Variants in ZNF816 observed in about 807,000 individuals in gnomAD.
ZNF816 encodes the protein zinc finger protein 816A.
In ZNF816, 11 loss-of-function variants were observed where a neutral mutation model predicts 8.3. That is an observed-to-expected ratio of 1.32 (90% CI 0.83 to 2.19). The LOEUF (loss-of-function observed/expected upper bound fraction) is 2.19. Ranked by LOEUF, ZNF816 falls within the 30% of genes most tolerant of loss-of-function variation. The pLI, the probability that ZNF816 is intolerant of heterozygous loss-of-function variation, is 0.00. For synonymous variants in ZNF816, 255 were observed against 254.5 expected (o/e 1.00, Z -0.02); for missense variants, 710 against 779.3 (o/e 0.91, Z 1.06).
chr19:52,959,554 G>C (rs550984531), intron 1 of ZNF816, among the ~76,000 whole-genome samples: 1 of 152,300 alleles, frequency 6.6e-6, no homozygotes, highest in South Asian at 2.1e-4. Context: ...CGTTGTCCCA[G>C]GGCACTTCAG....
In ZNF816 at chr19:52,949,712, C is replaced by T. The variant is rs3745177; in HGVS notation, c.*107G>A. On this transcript the variant is annotated 3_prime_UTR_variant, in exon 4 of 4. Transcript: ENST00000444460. ...CTGATGAACTACAAGTTATGAATGA[C>T]GTCTGAAAAATTTGCCACATTTATT... 0.19 allele frequency: 286,284 copies of T among 1,519,098 alleles called. 35,664 individuals are homozygous for T. Among genetic ancestry groups the T allele is most frequent in the African/African-American group, 0.61 (44,474 of 72,844 alleles). The allele number at this position is 1,519,098 out of a possible 1,614,324, so 94.1% of individuals were successfully genotyped here. A position where few individuals can be genotyped will look rare whatever the true frequency, so the allele number is the denominator to read the frequency against.
intron 1 of ZNF816, among the ~76,000 whole-genome samples, chr19:52,959,494 A>T (rs1405871605): frequency 4.6e-5 from 7 of 152,156 alleles, no homozygotes; most frequent in Admixed American, 3.3e-4. Context: ...AAGGAGAGAG[A>T]TGTGCAGGAT....
chr19:52,949,757 C>CA lies in ZNF816; in HGVS notation c.*61dup. ...TTTATTACACTTGTAGATCTCTCTT[C>CA]AATATGGATTCTGTAATGATTTGCA... On this transcript the variant is annotated 3_prime_UTR_variant, in exon 4 of 4. Coordinates refer to ENST00000444460, the MANE Select transcript of ZNF816 (RefSeq NM_001202457.3). 6.2e-7 allele frequency: 1 copy of CA among 1,609,156 alleles called. No homozygotes were observed. The highest frequency in any genetic ancestry group is 8.5e-7 in the Non-Finnish European group (1 of 1,177,334).
At position 52,952,722 on chromosome 19, in the gene ZNF816, C is replaced by A. The variant is rs766740883; in HGVS notation, c.190+29G>T. ...GAGCCAAGATAGACAAGTGCAGATT[C>A]CTCATGTCTGGAGGGACATTTTCCT... On this transcript the variant is annotated intron_variant, in intron 3 of 3. Transcript: ENST00000444460. 16 of 1,612,654 alleles carry A rather than the reference C, an allele frequency of 9.9e-6. No homozygotes were observed. In the African/African-American group the frequency reaches 1.9e-4, roughly 19 times the overall value.
rs774292486 is a variant in ZNF816, at chr19:52,950,729, G to A, written c.1046C>T (p.Thr349Ile). The change falls in exon 4 of 4, where the codon ACT (threonine) becomes ATT (isoleucine). Residue 349 changes from threonine (T) to isoleucine (I), a missense_variant. Thr to Ile is a moderately conservative substitution (Grantham distance 89, BLOSUM62 -1). Coordinates refer to ENST00000444460, the MANE Select transcript of ZNF816 (RefSeq NM_001202457.3). Reference protein sequence around the residue: ...KPYKCNECGKTFGRNSALVIH... With the variant: ...KPYKCNECGKIFGRNSALVIH... ...TACAAGGGCTGAATTTCGACCAAAA[G>A]TCTTGCCACACTCATTACACTTGTA... The A allele has an allele frequency of 6.2e-7, 1 of 1,613,616 alleles. No individual in the cohort carries two copies. The highest frequency in any genetic ancestry group is 1.1e-5 in the South Asian group (1 of 91,050).
intron 1 of ZNF816, 152 bp from the exon 2 acceptor site, chr19:52,956,256 A>G: frequency 1.2e-6 from 1 of 835,954 alleles, no homozygotes; most frequent in South Asian, 2.0e-5. Context: ...AGAAAGTTCC[A>G]CAGGAAGACC....
At chr19:52,951,727 G>C (rs1730104788) in intron 3 of ZNF816, 143 bp from the exon 4 acceptor site, 1 of 829,774 alleles carries the variant, frequency 1.2e-6, no homozygotes, top group Non-Finnish European at 1.8e-6. Flanking sequence ...AGAACACACT[G>C]TCTCTACTGA....
rs2083520547 is a variant in ZNF816 at position 52,957,562 on chromosome 19, G to A, written c.-15-1458C>T. Among the ~76,000 whole-genome samples the A allele has an allele frequency of 1.3e-5, 2 of 152,296 alleles. No homozygotes were observed. Among genetic ancestry groups the A allele is most frequent in the Admixed American group, 1.3e-4 (2 of 15,298 alleles). ...AGGACCAGGCTCAACTGCCCCCAAG[G>A]AGCCCATGGTCAAGATGACAGTTAG... is the stretch of plus-strand genomic sequence containing the variant. On this transcript the variant is annotated intron_variant, in intron 1 of 3. Transcript: ENST00000444460. This position sits in a 1 kb window ranked among gnomAD's most constrained non-coding sequence, Gnocchi z 4.6.
chr19:52,955,363 T>C lies in ZNF816; in HGVS notation c.63+664A>G, dbSNP rs73584434. 3.2e-3 allele frequency among the ~76,000 whole-genome samples: 490 copies of C among 152,294 alleles called. 2 individuals carry two copies. Among genetic ancestry groups the C allele is most frequent in the African/African-American group, 0.011 (469 of 41,550 alleles). ...CGCTTTCCATTCTATTCTAAGACAT[T>C]GAAAGTGCAGAGTCCTGCTGGGCTG... On this transcript the variant is annotated intron_variant, in intron 2 of 3. Coordinates refer to ENST00000444460, the MANE Select transcript of ZNF816 (RefSeq NM_001202457.3).
In ZNF816 at chr19:52,957,742, G is replaced by A. The variant is rs1346887467; in HGVS notation, c.-15-1638C>T. Among the ~76,000 whole-genome samples the A allele has an allele frequency of 1.3e-5, 2 of 152,190 alleles. No individual in the cohort carries two copies. The highest frequency in any genetic ancestry group is 2.4e-5 in the African/African-American group (1 of 41,438). On this transcript the variant is annotated intron_variant, in intron 1 of 3. Transcript: ENST00000444460. This position sits in a 1 kb window ranked among gnomAD's most constrained non-coding sequence, Gnocchi z 4.6. ...CTGTTGCCCCAGACTTGTACTGTAG[G>A]AAGACATAAAGTGATTCACCAGTTC...
Position 52,949,643 on chromosome 19 carries a change from TCA to T in ZNF816, c.*174_*175del, listed in dbSNP as rs2083436115. Reference sequence around the variant, plus strand: ...GGATGAAGCTTGACTGAAGACCTTGTCACAGTCATGATATTTGTAAGGTTTCT... The same window carrying T: ...GGATGAAGCTTGACTGAAGACCTTGTCAGTCATGATATTTGTAAGGTTTCT... On this transcript the variant is annotated 3_prime_UTR_variant, in exon 4 of 4. Transcript: ENST00000444460. The T allele has an allele frequency of 2.0e-6, 2 of 1,022,020 alleles. No homozygotes were observed. Among genetic ancestry groups the T allele is most frequent in the Non-Finnish European group, 3.0e-6 (2 of 658,232 alleles). 63.3% of individuals were successfully genotyped at this position (1,022,020 alleles called of 1,614,324 possible). A position where few individuals can be genotyped will look rare whatever the true frequency, so the allele number is the denominator to read the frequency against.
chr19:52,955,886 G>A lies in ZNF816; in HGVS notation c.63+141C>T, dbSNP rs757591785. On this transcript the variant is annotated intron_variant, in intron 2 of 3. Transcript: ENST00000444460. ...GGAGATGGAATTTAAGTGAAGATGA[G>A]AGGGACTGAGAAAAGACACGGGTGA... The A allele has an allele frequency of 2.3e-4, 250 of 1,083,666 alleles. 1 individual carries two copies. The highest frequency in any genetic ancestry group is 3.0e-4 in the Non-Finnish European group (225 of 743,284). 67.1% of individuals were successfully genotyped at this position (1,083,666 alleles called of 1,614,324 possible).
At chr19:52,952,015 C>T (rs748393482) in intron 3 of ZNF816, 7 of 397,060 alleles carry the variant, frequency 1.8e-5, no homozygotes, top group African/African-American at 4.1e-5. Context: ...GATGACCATT[C>T]GTTTATGTGA....
intron 1 of ZNF816, 88 bp from the exon 2 acceptor site, chr19:52,956,192 C>A: frequency 6.9e-7 from 1 of 1,442,378 alleles, no homozygotes; most frequent in Non-Finnish European, 9.4e-7. Flanking sequence ...GAAACCTCAC[C>A]CGAGAGAAAG....
chr19:52,954,239 T>C (rs1425488362), intron 2 of ZNF816, among the ~76,000 whole-genome samples: 1 of 151,900 alleles, frequency 6.6e-6, no homozygotes, highest in African/African-American at 2.4e-5. Flanking sequence ...AATACAAAGT[T>C]AGCTGGGAAT....
At chr19:52,961,817 G>A (rs554466595) in intron 1 of ZNF816, among the ~76,000 whole-genome samples, 25 of 152,276 alleles carry the variant, frequency 1.6e-4, no homozygotes, top group Admixed American at 2.0e-4. Flanking sequence ...TTATGTACGC[G>A]GAGGAACTAC....
At chr19:52,958,525 C>T (rs769932803) in intron 1 of ZNF816, among the ~76,000 whole-genome samples, 3 of 152,154 alleles carry the variant, frequency 2.0e-5, no homozygotes, top group Admixed American at 6.5e-5. Context: ...CCACCAGAGA[C>T]CTAGGCTGCG....
intron 2 of ZNF816, chr19:52,953,526 TAATATATAATATATA>T (rs2083480884): frequency 1.9e-5 from 1 of 52,304 alleles, no homozygotes; most frequent in Non-Finnish European, 3.1e-5. Context: ...TATATATTTA[TAATATATAATATATA>T]ATACAATATT....
At chr19:52,961,273 G>C (rs1600728984) in intron 1 of ZNF816, among the ~76,000 whole-genome samples, 3 of 152,084 alleles carry the variant, frequency 2.0e-5, no homozygotes, top group East Asian at 3.9e-4. Flanking sequence ...ATAATAACTA[G>C]AACAGAAGAA....
Sources: gnomAD v4.1 joint callset for allele counts (sites outside exome capture counted in the v4.1 genomes callset) on GRCh38, gnomAD v4.1.1 for gene constraint, Gnocchi (gnomAD v3.1) non-coding constraint, MANE v1.5 for transcripts, NCBI Gene and HGNC (gene_info 2026-07-23, HGNC 2026-07-21) for gene names.